The following TMEM98 variants were observed in gnomAD, a reference collection of about 807,000 sequenced individuals.
TMEM98 encodes transmembrane protein 98.
A neutral mutation model predicts 25.0 loss-of-function variants in TMEM98; 18 were observed. The ratio of observed to expected loss-of-function variants is 0.72; its 90% confidence interval spans 0.50 to 1.07. The LOEUF (loss-of-function observed/expected upper bound fraction) is 1.07. TMEM98 is among the 50% of genes least tolerant of loss of function. The pLI is 0.00. For missense variants in TMEM98, 241 were observed against 289.0 expected, an observed-to-expected ratio of 0.83 and a Z score of 1.20; for synonymous variants, 103 against 112.4, an observed-to-expected ratio of 0.92 and a Z score of 0.53.
rs1193934417 is a variant in TMEM98, at chr17:32,928,222, G to A, written c.-146G>A. The A allele has an allele frequency of 6.7e-6, 1 of 148,794 alleles. No homozygotes were observed. The highest frequency in any genetic ancestry group is 2.1e-4 in the South Asian group (1 of 4,788). 9.2% of individuals were successfully genotyped at this position (148,794 alleles called of 1,614,324 possible). On this transcript the variant is annotated 5_prime_UTR_variant, in exon 1 of 8. Coordinates refer to ENST00000579849, the MANE Select transcript of TMEM98 (RefSeq NM_015544.3). The stretch of plus-strand genomic sequence containing the variant: ...GCGGGGCAGTCGCGGGATGCGCCCG[G>A]GAGCCACAGCCTGAGGTGGGTGAGC...
intron 4 of TMEM98, 44 bp from the exon 5 acceptor site, chr17:32,934,247 G>T: frequency 6.2e-7 from 1 of 1,608,404 alleles, no homozygotes; most frequent in Non-Finnish European, 8.5e-7. Context: ...GAGGGTGGTG[G>T]GCCCCTCCAG....
intron 5 of TMEM98, 33 bp from the exon 6 acceptor site, chr17:32,936,299 C>T (rs755540479): frequency 1.3e-6 from 2 of 1,582,010 alleles, no homozygotes; most frequent in East Asian, 2.2e-5. Context: ...GGAGCCAGGT[C>T]AGCCCTCATC....
intron 3 of TMEM98, among the ~76,000 whole-genome samples, chr17:32,932,422 A>T (rs1046198224): frequency 4.6e-5 from 7 of 152,122 alleles, no homozygotes; most frequent in Non-Finnish European, 1.0e-4. Context: ...TTTCTTTGTG[A>T]TGCATTGTAT....
intron 1 of TMEM98, among the ~76,000 whole-genome samples, chr17:32,928,794 CAG>C (rs753268209): frequency 1.7e-4 from 25 of 147,128 alleles, no homozygotes; most frequent in Admixed American, 4.0e-4. Context: ...CACACACACT[CAG>C]AAACACACGC....
In TMEM98 at chr17:32,931,310, A is replaced by C; in HGVS notation, c.-130-17A>C. On this transcript the variant is annotated splice_polypyrimidine_tract_variant and intron_variant, in intron 1 of 7. Coordinates refer to ENST00000579849, the MANE Select transcript of TMEM98 (RefSeq NM_015544.3). ...AAATTTGGGGCATGGCATAAATTTT[A>C]CCTTGGTTCTCTTCAGGCCCTCAGG... The C allele has an allele frequency of 2.1e-6, 1 of 478,282 alleles. No homozygotes were observed. The highest frequency in any genetic ancestry group is 3.5e-6 in the Non-Finnish European group (1 of 283,330). The allele number at this position is 478,282 out of a possible 1,614,324, so 29.6% of individuals were successfully genotyped here. A position where few individuals can be genotyped will look rare whatever the true frequency, so the allele number is the denominator to read the frequency against.
Position 32,936,430 on chromosome 17 carries a change from C to G in TMEM98, c.396C>G (p.Ala132=). 1.9e-6 allele frequency: 3 copies of G among 1,614,176 alleles called. No individual in the cohort carries two copies. The highest frequency in any genetic ancestry group is 2.5e-6 in the Non-Finnish European group (3 of 1,180,012). ...SASVSDIIVV[A]KRISPRVDDV... is the part of the protein sequence containing the mutation. ...GTGTCAGCGACATCATTGTGGTGGC[C>G]AAGCGGATCAGCCCCAGGTGAGCAA... The change falls in exon 6 of 8, where the codon GCC becomes GCG. Residue 132 remains alanine, a synonymous_variant. Transcript: ENST00000579849.
At chr17:32,937,622 GCT>G (rs988644280) in intron 6 of TMEM98, among the ~76,000 whole-genome samples, 4 of 152,036 alleles carry the variant, frequency 2.6e-5, no homozygotes, top group African/African-American at 9.7e-5. Flanking sequence ...ATGGAATCTT[GCT>G]CTGTCACCCA....
chr17:32,931,364 C>T lies in TMEM98; in HGVS notation c.-93C>T, dbSNP rs1415405500. On this transcript the variant is annotated 5_prime_UTR_variant, in exon 2 of 8. Coordinates refer to ENST00000579849, the MANE Select transcript of TMEM98 (RefSeq NM_015544.3). ...CTGCAGGTGTCGTGGAGGAACCTAGCACCTGCCATCCTCTTCCCCAATTTG... is the reference window on the plus strand; with the variant it reads ...CTGCAGGTGTCGTGGAGGAACCTAGTACCTGCCATCCTCTTCCCCAATTTG... The T allele has an allele frequency of 2.3e-6, 2 of 863,716 alleles. No individual in the cohort carries two copies. The highest frequency in any genetic ancestry group is 3.5e-6 in the Non-Finnish European group (2 of 579,398). 53.5% of individuals were successfully genotyped at this position (863,716 alleles called of 1,614,324 possible).
chr17:32,933,114 G>A, intron 3 of TMEM98, 60 bp from the exon 4 acceptor site: 1 of 1,601,714 alleles, frequency 6.2e-7, no homozygotes, highest in African/African-American at 1.3e-5. Flanking sequence ...GCCTCAGTGA[G>A]GAGAGGATCA....
chr17:32,939,194 G>C (rs1296636907), intron 6 of TMEM98, among the ~76,000 whole-genome samples: 1 of 152,108 alleles, frequency 6.6e-6, no homozygotes, highest in Admixed American at 6.5e-5. Context: ...ATCACCTGAG[G>C]TCAGGAGTTC....
chr17:32,928,915 ACACT>A (rs894987255), intron 1 of TMEM98, among the ~76,000 whole-genome samples: 23 of 147,458 alleles, frequency 1.6e-4, no homozygotes, highest in East Asian at 1.4e-3. Flanking sequence ...CACAAGATAA[ACACT>A]CAGCTCACAC....
chr17:32,940,432 T>C (rs955972849), intron 7 of TMEM98, among the ~76,000 whole-genome samples: 1 of 152,218 alleles, frequency 6.6e-6, no homozygotes, highest in African/African-American at 2.4e-5. Context: ...TCTGATTGAC[T>C]ATATCTGAAC....
Position 32,943,089 on chromosome 17 carries a change from C to G in TMEM98, c.*2096C>G, listed in dbSNP as rs184536939. On this transcript the variant is annotated 3_prime_UTR_variant, in exon 8 of 8. Coordinates refer to ENST00000579849, the MANE Select transcript of TMEM98 (RefSeq NM_015544.3). ...CCAATGTCGATTACCTTCTCTGAGTCCTGGCAAGTCCTGGCACATTGGCTT... is the reference window on the plus strand; with the variant it reads ...CCAATGTCGATTACCTTCTCTGAGTGCTGGCAAGTCCTGGCACATTGGCTT... The G allele has an allele frequency of 1.3e-5, 2 of 152,434 alleles. No homozygotes were observed. Among genetic ancestry groups the G allele is most frequent in the African/African-American group, 4.8e-5 (2 of 41,558 alleles). 9.4% of individuals were successfully genotyped at this position (152,434 alleles called of 1,614,324 possible). A position where few individuals can be genotyped will look rare whatever the true frequency, so the allele number is the denominator to read the frequency against.
In TMEM98 at chr17:32,939,522, A is replaced by G. The variant is rs2091517141; in HGVS notation, c.459A>G (p.Lys153=). The change falls in exon 7 of 8, where the codon AAA becomes AAG. Residue 153 remains lysine, a synonymous_variant. Coordinates refer to ENST00000579849, the MANE Select transcript of TMEM98 (RefSeq NM_015544.3). ...VKSMYPPLDP[K]LLDARTTALL... is the part of the protein sequence containing the mutation. ...CGATGTACCCTCCGTTGGACCCCAAACTCCTGGACGCACGGTGAGACCAGG... is the reference window on the plus strand; with the variant it reads ...CGATGTACCCTCCGTTGGACCCCAAGCTCCTGGACGCACGGTGAGACCAGG... 1 of 1,613,984 alleles carries G rather than the reference A, an allele frequency of 6.2e-7. No homozygotes were observed. The highest frequency in any genetic ancestry group is 8.5e-7 in the Non-Finnish European group (1 of 1,179,948).
chr17:32,939,600 T>A, intron 7 of TMEM98, 64 bp downstream of exon 7: 1 of 1,596,732 alleles, frequency 6.3e-7, no homozygotes, highest in Non-Finnish European at 8.6e-7. Flanking sequence ...TTTTATCAGA[T>A]CTGTGAGGCT....
chr17:32,934,483 C>T, intron 5 of TMEM98, 159 bp downstream of exon 5: 1 of 694,888 alleles, frequency 1.4e-6, no homozygotes. Context: ...TCCCCCCCTG[C>T]CTGGACTGGC....
Position 32,942,351 on chromosome 17 carries a change from C to T in TMEM98, c.*1358C>T, listed in dbSNP as rs1258698971. The T allele has an allele frequency of 6.6e-6, 1 of 152,152 alleles. No individual in the cohort carries two copies. Among genetic ancestry groups the T allele is most frequent in the Non-Finnish European group, 1.5e-5 (1 of 68,040 alleles). 9.4% of individuals were successfully genotyped at this position (152,152 alleles called of 1,614,324 possible). A position where few individuals can be genotyped will look rare whatever the true frequency, so the allele number is the denominator to read the frequency against. On this transcript the variant is annotated 3_prime_UTR_variant, in exon 8 of 8. Transcript: ENST00000579849. ...AGCCAGCTTGCTCTTGGGAGAGGGG[C>T]CTGGTATAGGGGCTGCCCAGGTTCG...
At chr17:32,937,644 G>A (rs1422538214) in intron 6 of TMEM98, among the ~76,000 whole-genome samples, 3 of 152,104 alleles carry the variant, frequency 2.0e-5, no homozygotes, top group Non-Finnish European at 4.4e-5. Flanking sequence ...AGGCTGGAGT[G>A]CGGTGGTGCG....
chr17:32,932,029 C>G (rs183934764), intron 3 of TMEM98, among the ~76,000 whole-genome samples: 8 of 151,920 alleles, frequency 5.3e-5, no homozygotes, highest in Admixed American at 3.9e-4. Context: ...GGCCATACAT[C>G]TAAGCAACAA....
Sources: gnomAD v4.1 joint callset for allele counts (sites outside exome capture counted in the v4.1 genomes callset) on GRCh38, gnomAD v4.1.1 for gene constraint, MANE v1.5 for transcripts, NCBI Gene and HGNC (gene_info 2026-07-23, HGNC 2026-07-21) for gene names.